NPTX1: variants seen among roughly 807,000 people sequenced by gnomAD.
NPTX1 encodes the protein neuronal pentraxin-1.
In NPTX1, 12 loss-of-function variants were observed where a neutral mutation model predicts 38.7. That is an observed-to-expected ratio of 0.31 (90% CI 0.20 to 0.50). The LOEUF (loss-of-function observed/expected upper bound fraction) is 0.50, where lower values mean the gene tolerates loss of function less well. Among genes scored for constraint, NPTX1 ranks in the 20% least tolerant of loss-of-function variants. NPTX1 has a pLI of 0.98. For synonymous variants in NPTX1, 272 were observed against 264.9 expected, an observed-to-expected ratio of 1.03 and a Z score of -0.26; for missense variants, 454 against 592.2, an observed-to-expected ratio of 0.77 and a Z score of 2.42.
chr17:80,467,910 C>T lies in NPTX1; in HGVS notation c.*2903G>A, dbSNP rs906793095. ...AGAAGGCTTACGACTCAAGTGGGAT[C>T]TAAGCCCCTGAGGGCCCGGAGAGCT... On this transcript the variant is annotated 3_prime_UTR_variant, in exon 5 of 5. Transcript: ENST00000306773. The T allele has an allele frequency of 6.6e-6, 1 of 152,630 alleles. No homozygotes were observed. Among genetic ancestry groups the T allele is most frequent in the African/African-American group, 2.4e-5 (1 of 41,454 alleles). The allele number at this position is 152,630 out of a possible 1,614,324, so 9.5% of individuals were successfully genotyped here. A position where few individuals can be genotyped will look rare whatever the true frequency, so the allele number is the denominator to read the frequency against.
In NPTX1 at chr17:80,475,968, C is replaced by G. The variant is rs1316970562; in HGVS notation, c.444+35G>C. On this transcript the variant is annotated intron_variant, in intron 1 of 4. Coordinates refer to ENST00000306773, the MANE Select transcript of NPTX1 (RefSeq NM_002522.4). This position sits in a 1 kb window ranked among gnomAD's most constrained non-coding sequence, Gnocchi z 6.5. ...GGGGAGGGCAGAGGGGCGAGCGAGC[C>G]GGAGGGGGAACCGGAGCCGAGGGCG... is the stretch of plus-strand genomic sequence containing the variant. The G allele has an allele frequency of 1.3e-6, 2 of 1,539,732 alleles. No individual in the cohort carries two copies. The highest frequency in any genetic ancestry group is 1.8e-6 in the Non-Finnish European group (2 of 1,123,186).
rs1426220960 is a variant in NPTX1 at position 80,467,915 on chromosome 17, C to T, written c.*2898G>A. On this transcript the variant is annotated 3_prime_UTR_variant, in exon 5 of 5. Transcript: ENST00000306773. ...GCTTACGACTCAAGTGGGATCTAAGCCCCTGAGGGCCCGGAGAGCTTCTGT... is the reference window on the plus strand; with the variant it reads ...GCTTACGACTCAAGTGGGATCTAAGTCCCTGAGGGCCCGGAGAGCTTCTGT... The T allele has an allele frequency of 1.3e-5, 2 of 152,722 alleles. No homozygotes were observed. The highest frequency in any genetic ancestry group is 2.1e-4 in the South Asian group (1 of 4,826). The allele number at this position is 152,722 out of a possible 1,614,324, so 9.5% of individuals were successfully genotyped here. A position where few individuals can be genotyped will look rare whatever the true frequency, so the allele number is the denominator to read the frequency against.
Position 80,475,493 on chromosome 17 carries a change from T to TC in NPTX1, c.652+17dup. ...AGCAGGTGCAGGCAGGCAGCACGGC[T>TC]CCCCCTGGCCCCAGTACCTTTCTCG... On this transcript the variant is annotated intron_variant, in intron 2 of 4. Coordinates refer to ENST00000306773, the MANE Select transcript of NPTX1 (RefSeq NM_002522.4). The surrounding 1 kb of genome is among the most constrained non-coding windows in gnomAD (Gnocchi z 6.5). 1 of 1,589,466 alleles carries TC rather than the reference T, an allele frequency of 6.3e-7. No individual in the cohort carries two copies. The highest frequency in any genetic ancestry group is 8.6e-7 in the Non-Finnish European group (1 of 1,168,514).
rs1312578315 is a variant in NPTX1 at position 80,468,147 on chromosome 17, G to A, written c.*2666C>T. The A allele has an allele frequency of 6.5e-6, 1 of 152,792 alleles. No homozygotes were observed. The highest frequency in any genetic ancestry group is 2.4e-5 in the African/African-American group (1 of 41,452). The allele number at this position is 152,792 out of a possible 1,614,324, so 9.5% of individuals were successfully genotyped here. ...GGATTAGATTTGCGGCTGTGTCATCGACCTTTCTCGGGGCCAGCAAAGTGC... is the reference window on the plus strand; with the variant it reads ...GGATTAGATTTGCGGCTGTGTCATCAACCTTTCTCGGGGCCAGCAAAGTGC... On this transcript the variant is annotated 3_prime_UTR_variant, in exon 5 of 5. Transcript: ENST00000306773.
rs1239303870 is a variant in NPTX1 at position 80,469,560 on chromosome 17, G to C, written c.*1253C>G. On this transcript the variant is annotated 3_prime_UTR_variant, in exon 5 of 5. Coordinates refer to ENST00000306773, the MANE Select transcript of NPTX1 (RefSeq NM_002522.4). ...GGCAGCTTGTGGGCTGCTGTAGGCCGTGAGCCCCATGAGATGGAGGAGTGG... is the reference window on the plus strand; with the variant it reads ...GGCAGCTTGTGGGCTGCTGTAGGCCCTGAGCCCCATGAGATGGAGGAGTGG... 6.6e-6 allele frequency: 1 copy of C among 152,320 alleles called. No homozygotes were observed. The highest frequency in any genetic ancestry group is 1.5e-5 in the Non-Finnish European group (1 of 68,086). The allele number at this position is 152,320 out of a possible 1,614,324, so 9.4% of individuals were successfully genotyped here.
rs2083811668 is a variant in NPTX1, at chr17:80,467,283, T to G, written c.*3530A>C. ...ATTTCCCATCGTTAGTTGAATAAATTTACACACTGTGTTTAAGAGATGAAA... is the reference window on the plus strand; with the variant it reads ...ATTTCCCATCGTTAGTTGAATAAATGTACACACTGTGTTTAAGAGATGAAA... On this transcript the variant is annotated 3_prime_UTR_variant, in exon 5 of 5. Transcript: ENST00000306773. 1 of 152,614 alleles carries G rather than the reference T, an allele frequency of 6.6e-6. No homozygotes were observed. 9.5% of individuals were successfully genotyped at this position (152,614 alleles called of 1,614,324 possible).
rs767761469 is a variant in NPTX1, at chr17:80,476,073, G to A, written c.374C>T (p.Pro125Leu). The change falls in exon 1 of 5, where the codon CCG becomes CTG. Residue 125 changes from proline to leucine, a missense_variant. Pro to Leu is a moderately conservative substitution (Grantham distance 98). Coordinates refer to ENST00000306773, the MANE Select transcript of NPTX1 (RefSeq NM_002522.4). This position sits in a 1 kb window ranked among gnomAD's most constrained non-coding sequence, Gnocchi z 6.3. ...KNTMGDLSRT[P>L]AAETLSQLGQ... ...GAGTTGGCTGAGCGTCTCGGCGGCC[G>A]GTGTCCGGGACAGGTCGCCCATGGT... 6.2e-7 allele frequency: 1 copy of A among 1,608,022 alleles called. No homozygotes were observed. The highest frequency in any genetic ancestry group is 8.5e-7 in the Non-Finnish European group (1 of 1,178,354).
chr17:80,473,570 C>G, intron 2 of NPTX1, 126 bp from the exon 3 acceptor site: 2 of 966,842 alleles, frequency 2.1e-6, no homozygotes, highest in South Asian at 1.5e-5. Flanking sequence ...ATTCTGGAGA[C>G]GCAGAGCGGG....
chr17:80,468,765 T>C lies in NPTX1; in HGVS notation c.*2048A>G, dbSNP rs929651046. On this transcript the variant is annotated 3_prime_UTR_variant, in exon 5 of 5. Transcript: ENST00000306773. ...AGCTACACGGGTGGTCACAGAACAC[T>C]GGGCGGCACTCGGCACACAACACAG... 6.6e-6 allele frequency: 1 copy of C among 152,228 alleles called. No individual in the cohort carries two copies. Among genetic ancestry groups the C allele is most frequent in the African/African-American group, 2.4e-5 (1 of 41,418 alleles). 9.4% of individuals were successfully genotyped at this position (152,228 alleles called of 1,614,324 possible).
chr17:80,471,628 G>C (rs923004020), intron 4 of NPTX1, 104 bp downstream of exon 4: 1 of 1,485,500 alleles, frequency 6.7e-7, no homozygotes, highest in Non-Finnish European at 8.9e-7. Flanking sequence ...GCTTCTCAGG[G>C]GAACCACTTC....
At chr17:80,472,006 G>T in intron 3 of NPTX1, 95 bp from the exon 4 acceptor site, 1 of 1,129,704 alleles carries the variant, frequency 8.9e-7, no homozygotes. Context: ...ATCTCTACTT[G>T]CAAAGTAAAT....
chr17:80,473,710 T>TG, intron 2 of NPTX1: 1 of 492,502 alleles, frequency 2.0e-6, no homozygotes, highest in Non-Finnish European at 3.7e-6. Context: ...GAGATGGGGG[T>TG]GGGGGGCAGT....
chr17:80,471,687 G>A, intron 4 of NPTX1, 45 bp downstream of exon 4: 1 of 1,574,530 alleles, frequency 6.4e-7, no homozygotes, highest in Non-Finnish European at 8.6e-7. Context: ...CCCAGCCTCT[G>A]GTTCTGAAGC....
rs2083854063 is a variant in NPTX1, at chr17:80,473,420, T to C, written c.677A>G (p.Asp226Gly). Residue 226 changes from aspartate to glycine, a missense_variant, in exon 3 of 5, where the codon GAC (aspartate) becomes GGC (glycine). By Grantham distance (94) the Asp-to-Gly change is moderately conservative (BLOSUM62 -1). This residue lies in a region of NPTX1 where 288 missense variants were observed against 318.4 expected (regional missense o/e 0.90). Coordinates refer to ENST00000306773, the MANE Select transcript of NPTX1 (RefSeq NM_002522.4). ...CAGTGGGAATGTGAGCTGGAACTTG[T>C]CTCCAGGGCGGTTGTCTTTCTGACC... is the stretch of plus-strand genomic sequence containing the variant. ...EKGQKDNRPG[D>G]KFQLTFPLRT... 5.0e-6 allele frequency: 8 copies of C among 1,613,872 alleles called. No homozygotes were observed. The East Asian group carries it at 1.3e-4, about 27-fold the overall frequency.
At chr17:80,473,054 TC>T in intron 3 of NPTX1, 145 bp downstream of exon 3, 2 of 691,920 alleles carry the variant, frequency 2.9e-6, no homozygotes, top group Non-Finnish European at 4.6e-6. Flanking sequence ...GTCTTCACCC[TC>T]CCCCTCCCTC....
rs1023745176 is a variant in NPTX1 at position 80,469,034 on chromosome 17, C to G, written c.*1779G>C. 2 of 152,332 alleles carry G rather than the reference C, an allele frequency of 1.3e-5. No individual in the cohort carries two copies. Among genetic ancestry groups the G allele is most frequent in the Non-Finnish European group, 2.9e-5 (2 of 68,072 alleles). 9.4% of individuals were successfully genotyped at this position (152,332 alleles called of 1,614,324 possible). ...GCATTGCAGAACGGCGGCCGGGTAC[C>G]GTGCAGACACCCACGAGAACACTGA... On this transcript the variant is annotated 3_prime_UTR_variant, in exon 5 of 5. Coordinates refer to ENST00000306773, the MANE Select transcript of NPTX1 (RefSeq NM_002522.4).
rs542787732 is a variant in NPTX1 at position 80,475,860 on chromosome 17, CGCAGGCGCGGG to C, written c.444+132_444+142del. 25 of 847,910 alleles carry C rather than the reference CGCAGGCGCGGG, an allele frequency of 2.9e-5. No homozygotes were observed. In the African/African-American group the frequency reaches 4.4e-4, roughly 15 times the overall value. 52.5% of individuals were successfully genotyped at this position (847,910 alleles called of 1,614,324 possible). A position where few individuals can be genotyped will look rare whatever the true frequency, so the allele number is the denominator to read the frequency against. On this transcript the variant is annotated intron_variant, in intron 1 of 4. Transcript: ENST00000306773. The surrounding 1 kb of genome is among the most constrained non-coding windows in gnomAD (Gnocchi z 6.5). ...GGGGCGAGTGGCCGCCGCGGGGCCT[CGCAGGCGCGGG>C]GAGGCACCGGCCGGGCACCCGCGCG...
intron 4 of NPTX1, among the ~76,000 whole-genome samples, chr17:80,471,268 G>C (rs984463031): frequency 2.0e-5 from 3 of 152,116 alleles, no homozygotes; most frequent in African/African-American, 7.2e-5. Flanking sequence ...AGCTTCTCCT[G>C]GGGGGACCTG....
chr17:80,473,985 C>T (rs1599507330), intron 2 of NPTX1: 1 of 164,182 alleles, frequency 6.1e-6, no homozygotes, highest in African/African-American at 2.4e-5. Flanking sequence ...CCAGATGTGC[C>T]TCTGACCCAC....
Sources: gnomAD v4.1 joint callset for allele counts (sites outside exome capture counted in the v4.1 genomes callset) on GRCh38, gnomAD v4.1.1 for gene constraint, gnomAD v4.1.1 regional missense constraint, Gnocchi (gnomAD v3.1) non-coding constraint, MANE v1.5 for transcripts, NCBI Gene and HGNC (gene_info 2026-07-23, HGNC 2026-07-21) for gene names.